IQCH: variants seen among roughly 807,000 people sequenced by gnomAD.
IQCH encodes the protein IQ domain-containing protein H.
A neutral mutation model predicts 117.0 loss-of-function variants in IQCH; 98 were observed. The ratio of observed to expected loss-of-function variants is 0.84; its 90% CI spans 0.71 to 0.99. The LOEUF (loss-of-function observed/expected upper bound fraction) is 0.99. Ranked by LOEUF, IQCH falls within the 50% of genes least tolerant of loss-of-function variation. IQCH has a pLI of 0.00. For synonymous variants in IQCH, 412 were observed against 448.2 expected (o/e 0.92, Z 1.02); for missense variants, 1,102 against 1,243.8 (o/e 0.89, Z 1.72).
intron 12 of IQCH, among the ~76,000 whole-genome samples, chr15:67,394,359 A>G (rs1440969854): frequency 6.6e-6 from 1 of 152,192 alleles, no homozygotes. Flanking sequence ...AGATACTGTT[A>G]TTACACTCAT....
At chr15:67,372,031 T>C (rs1162253838) in intron 8 of IQCH, 80 bp from the exon 9 acceptor site, 1 of 1,170,896 alleles carries the variant, frequency 8.5e-7, no homozygotes, top group African/African-American at 1.5e-5. Flanking sequence ...TAAATGATAA[T>C]GTAGTGTGTG....
At position 67,318,120 on chromosome 15, in the gene IQCH, A is replaced by T. The variant is rs192225226; in HGVS notation, c.388-18855A>T. On this transcript the variant is annotated intron_variant, in intron 4 of 20. Transcript: ENST00000335894. ...GAAAGATAAAAAATTATGTAACCTC[A>T]GTCCCTCCACCTAGAGATAATTATT... Among the ~76,000 whole-genome samples, 44 of 152,306 alleles carry T rather than the reference A, an allele frequency of 2.9e-4. 1 individual carries two copies. The highest frequency in any genetic ancestry group is 2.1e-3 in the Admixed American group (32 of 15,306).
At chr15:67,344,415 G>T (rs1270202223) in intron 6 of IQCH, among the ~76,000 whole-genome samples, 1 of 151,810 alleles carries the variant, frequency 6.6e-6, no homozygotes, top group Non-Finnish European at 1.5e-5. Flanking sequence ...CATTCTTCTG[G>T]CGTACTTTTA....
At chr15:67,294,645 G>A (rs1333607730) in intron 4 of IQCH, among the ~76,000 whole-genome samples, 5 of 152,166 alleles carry the variant, frequency 3.3e-5, no homozygotes, top group Non-Finnish European at 5.9e-5. Flanking sequence ...GACAAGCATG[G>A]ACAAAAGGCA....
chr15:67,395,498 C>T lies in IQCH; in HGVS notation c.1840C>T (p.Arg614Cys), dbSNP rs1971434945. Residue 614 changes from arginine (R) to cysteine (C), a missense_variant, in exon 13 of 21, where the codon CGT (arginine) becomes TGT (cysteine). Physicochemically the swap from Arg to Cys is radical, Grantham distance 180. This residue lies in a region of IQCH where 650 missense variants were observed against 794.3 expected (regional missense o/e 0.82). Transcript: ENST00000335894. The surrounding 1 kb of genome is among the most constrained non-coding windows in gnomAD (Gnocchi z 4.0). ...TTATAGTACCAAATCTGGAGGCAAACGTGTCTTTGACAGTGCCAATGTGGC... is the reference window on the plus strand; with the variant it reads ...TTATAGTACCAAATCTGGAGGCAAATGTGTCTTTGACAGTGCCAATGTGGC... The part of the protein sequence containing the change: ...HLYSTKSGGK[R>C]VFDSANVAVP... 1.1e-5 allele frequency: 17 copies of T among 1,613,874 alleles called. No individual in the cohort carries two copies. The highest frequency in any genetic ancestry group is 5.3e-5 in the African/African-American group (4 of 74,892).
Position 67,427,521 on chromosome 15 carries a change from CTCT to C in IQCH, c.2505+5951_2505+5953del, listed in dbSNP as rs1345370052. 1.5e-4 allele frequency among the ~76,000 whole-genome samples: 23 copies of C among 151,958 alleles called. No homozygotes were observed. Among genetic ancestry groups the C allele is most frequent in the African/African-American group, 5.1e-4 (21 of 41,378 alleles). ...GTGAACCACTGTGCCTGGCCTCCAG[CTCT>C]TCTTCTAAATTGCTATATTACCTTG... On this transcript the variant is annotated intron_variant, in intron 16 of 20. Transcript: ENST00000335894. This position sits in a 1 kb window ranked among gnomAD's most constrained non-coding sequence, Gnocchi z 4.7.
At chr15:67,273,026 T>G (rs1030663169) in intron 3 of IQCH, among the ~76,000 whole-genome samples, 2 of 152,192 alleles carry the variant, frequency 1.3e-5, no homozygotes. Flanking sequence ...ATTATTTTTC[T>G]CTGGTAGTAT....
chr15:67,442,436 C>T (rs2082293515), intron 16 of IQCH, among the ~76,000 whole-genome samples: 1 of 151,658 alleles, frequency 6.6e-6, no homozygotes, highest in South Asian at 2.1e-4. Context: ...AAATGCTCAA[C>T]ATCACTAATG....
rs1374554648 is a variant in IQCH, at chr15:67,466,072, C to T, written c.2676+775C>T. On this transcript the variant is annotated intron_variant, in intron 17 of 20. Coordinates refer to ENST00000335894, the MANE Select transcript of IQCH (RefSeq NM_001031715.3). The surrounding 1 kb of genome is among the most constrained non-coding windows in gnomAD (Gnocchi z 4.4). Reference sequence around the variant, plus strand: ...CCCATTTCCCAGCTTGGTTAAGGAGCCCCATCATGTTCCACCTCTTCCCAC... The same window carrying T: ...CCCATTTCCCAGCTTGGTTAAGGAGTCCCATCATGTTCCACCTCTTCCCAC... Among the ~76,000 whole-genome samples, 1 of 152,208 alleles carries T rather than the reference C, an allele frequency of 6.6e-6. No homozygotes were observed. Among genetic ancestry groups the T allele is most frequent in the Non-Finnish European group, 1.5e-5 (1 of 68,036 alleles).
At chr15:67,305,067 A>G (rs985397048) in intron 4 of IQCH, among the ~76,000 whole-genome samples, 1 of 152,082 alleles carries the variant, frequency 6.6e-6, no homozygotes, top group Non-Finnish European at 1.5e-5. Context: ...TAGGAGAATT[A>G]AGAGTAGTGC....
chr15:67,306,678 A>G (rs1463907690), intron 4 of IQCH: 2 of 677,410 alleles, frequency 3.0e-6, no homozygotes, highest in African/African-American at 1.8e-5. Context: ...CTCATATTGC[A>G]AAACTATCTT....
chr15:67,297,308 A>G (rs963692997), intron 4 of IQCH, among the ~76,000 whole-genome samples: 18 of 152,276 alleles, frequency 1.2e-4, no homozygotes, highest in African/African-American at 4.3e-4. Context: ...CCATATAGCC[A>G]TCTCCCAGCT....
rs1233017207 is a variant in IQCH, at chr15:67,364,342, T to C, written c.753+4457T>C. ...CCATTTTCTCTAATTCATTAGAAATTGCCATCCTCACCTATGCGTTTTCAT... is the reference window on the plus strand; with the variant it reads ...CCATTTTCTCTAATTCATTAGAAATCGCCATCCTCACCTATGCGTTTTCAT... On this transcript the variant is annotated intron_variant, in intron 8 of 20. Transcript: ENST00000335894. The surrounding 1 kb of genome is among the most constrained non-coding windows in gnomAD (Gnocchi z 4.1). Among the ~76,000 whole-genome samples, 2 of 152,206 alleles carry C rather than the reference T, an allele frequency of 1.3e-5. No individual in the cohort carries two copies. Among genetic ancestry groups the C allele is most frequent in the Non-Finnish European group, 2.9e-5 (2 of 68,038 alleles).
At chr15:67,373,508 A>G (rs751123358) in intron 10 of IQCH, 75 bp downstream of exon 10, 1 of 975,336 alleles carries the variant, frequency 1.0e-6, no homozygotes, top group South Asian at 1.3e-5. Context: ...ATTGAGTTCA[A>G]GGAAGGCCCC....
intron 17 of IQCH, among the ~76,000 whole-genome samples, chr15:67,471,837 G>A (rs2083078084): frequency 6.6e-6 from 1 of 152,190 alleles, no homozygotes; most frequent in African/African-American, 2.4e-5. Context: ...TCTTCCTGTA[G>A]AAACTGTGCA....
chr15:67,337,054 A>G lies in IQCH; in HGVS notation c.467A>G (p.Tyr156Cys), dbSNP rs754209160. Residue 156 changes from tyrosine to cysteine, a missense_variant, in exon 5 of 21, where the codon TAT becomes TGT. This residue lies in a region of IQCH where 452 missense variants were observed against 449.6 expected (regional missense o/e 1.01). Transcript: ENST00000335894. ...VLPSSHCTDP[Y>C]FTPIPVLQAD... ...CCATCTTCTCATTGCACAGATCCCT[A>G]TTTCACTCCTATACCAGTCTTACAA... is the stretch of plus-strand genomic sequence containing the variant. 1.1e-5 allele frequency: 18 copies of G among 1,613,534 alleles called. No homozygotes were observed. In the Admixed American group the frequency reaches 1.2e-4, roughly 10 times the overall value.
At chr15:67,290,015 A>G (rs1488900798) in intron 4 of IQCH, among the ~76,000 whole-genome samples, 1 of 152,008 alleles carries the variant, frequency 6.6e-6, no homozygotes, top group Non-Finnish European at 1.5e-5. Context: ...TTTTTTAACA[A>G]CTCTGACTTG....
chr15:67,400,374 G>C (rs575452390), intron 14 of IQCH, 69 bp downstream of exon 14: 87 of 1,162,978 alleles, frequency 7.5e-5, no homozygotes, highest in Admixed American at 4.7e-4. Context: ...AAAAAGTTCA[G>C]CTAAGAGATG....
intron 6 of IQCH, among the ~76,000 whole-genome samples, chr15:67,352,256 C>G (rs535973415): frequency 6.9e-4 from 105 of 152,166 alleles, no homozygotes; most frequent in Middle Eastern, 3.4e-3. Flanking sequence ...CATTTTAACT[C>G]CATCTCCCTC....
Sources: gnomAD v4.1 joint callset for allele counts (sites outside exome capture counted in the v4.1 genomes callset) on GRCh38, gnomAD v4.1.1 for gene constraint, gnomAD v4.1.1 regional missense constraint, Gnocchi (gnomAD v3.1) non-coding constraint, MANE v1.5 for transcripts, NCBI Gene and HGNC (gene_info 2026-07-23, HGNC 2026-07-21) for gene names.